The following IL1RAPL2 variants were observed in gnomAD, a reference collection of about 807,000 sequenced individuals.
IL1RAPL2 encodes the protein X-linked interleukin-1 receptor accessory protein-like 2.
IL1RAPL2 carries 3 observed loss-of-function variants against 44.1 expected under a neutral mutation model. The observed-to-expected ratio is 0.07, with a 90% CI of 0.03 to 0.18. The LOEUF is 0.18. Ranked by LOEUF, IL1RAPL2 falls within the 10% of genes least tolerant of loss-of-function variation. The probability of loss-of-function intolerance (pLI) is 1.00; values close to 1 mark genes in which losing one functional copy is unlikely to be tolerated. For synonymous variants in IL1RAPL2, 181 were observed against 178.8 expected, an observed-to-expected ratio of 1.01 and a Z score of -0.10; for missense variants, 391 against 496.4, an observed-to-expected ratio of 0.79 and a Z score of 2.02.
chrX:105,019,539 G>T (rs1225683171), intron 2 of IL1RAPL2, among the ~76,000 whole-genome samples: 2 of 111,547 alleles, frequency 1.8e-5, no homozygotes, highest in Non-Finnish European at 3.8e-5. Context: ...TAGATACTCT[G>T]TTCTTGAAAC....
intron 6 of IL1RAPL2, among the ~76,000 whole-genome samples, chrX:105,531,796 C>T (rs755336074): frequency 3.6e-5 from 4 of 111,629 alleles, no homozygotes; most frequent in Admixed American, 9.5e-5. Flanking sequence ...TTTCCCAGCA[C>T]GATTTATTGA....
chrX:105,080,699 G>A (rs551415664), intron 2 of IL1RAPL2, among the ~76,000 whole-genome samples: 38 of 111,730 alleles, frequency 3.4e-4, no homozygotes, highest in Middle Eastern at 4.6e-3. Context: ...TTGGCTATGC[G>A]GGCTCTTTTT....
intron 2 of IL1RAPL2, among the ~76,000 whole-genome samples, chrX:104,932,358 C>A (rs1924927951): frequency 9.0e-6 from 1 of 110,662 alleles, no homozygotes; most frequent in South Asian, 3.9e-4. Context: ...GGGTCAGAAA[C>A]CTATGCTGTA....
chrX:105,547,075 C>T (rs1349366275), intron 6 of IL1RAPL2, among the ~76,000 whole-genome samples: 5 of 112,113 alleles, frequency 4.5e-5, no homozygotes, highest in Non-Finnish European at 9.4e-5. Flanking sequence ...TGAATTATAC[C>T]TCCTGCAGTC....
intron 1 of IL1RAPL2, among the ~76,000 whole-genome samples, chrX:104,628,249 A>G (rs751941438): frequency 1.8e-5 from 2 of 111,011 alleles, no homozygotes; most frequent in Admixed American, 9.7e-5. Context: ...GTTGTTAATT[A>G]TAGTCACCCT....
chrX:105,144,068 C>T (rs776965689), intron 2 of IL1RAPL2, among the ~76,000 whole-genome samples: 1 of 106,670 alleles, frequency 9.4e-6, no homozygotes, highest in African/African-American at 3.4e-5. Context: ...CCATAGATTA[C>T]AGTCAGAGTC....
intron 2 of IL1RAPL2, among the ~76,000 whole-genome samples, chrX:105,108,657 T>C (rs1004573196): frequency 2.7e-4 from 30 of 109,760 alleles, no homozygotes; most frequent in African/African-American, 9.3e-4. Flanking sequence ...TGTCATTTTT[T>C]GCACCAAAAT....
At chrX:105,066,179 A>G (rs776455802) in intron 2 of IL1RAPL2, among the ~76,000 whole-genome samples, 3 of 110,915 alleles carry the variant, frequency 2.7e-5, no homozygotes, top group East Asian at 2.9e-4. Context: ...CCAGAATTCA[A>G]TCTCTTCCTT....
intron 2 of IL1RAPL2, among the ~76,000 whole-genome samples, chrX:105,046,736 C>T (rs955216166): frequency 6.4e-5 from 7 of 109,672 alleles, no homozygotes; most frequent in African/African-American, 2.3e-4. Context: ...TTCTTGTATT[C>T]TTACTAATTG....
intron 5 of IL1RAPL2, among the ~76,000 whole-genome samples, chrX:105,478,337 C>A (rs1195326336): frequency 9.0e-6 from 1 of 110,723 alleles, no homozygotes; most frequent in Non-Finnish European, 1.9e-5. Flanking sequence ...TCACCTACAA[C>A]AAAGAATTTG....
intron 6 of IL1RAPL2, among the ~76,000 whole-genome samples, chrX:105,595,909 G>C (rs145714066): frequency 0.019 from 2,128 of 111,080 alleles, 42 homozygotes; most frequent in African/African-American, 0.067. Context: ...TATGTTTCTA[G>C]GAATTTATCC....
chrX:105,385,165 T>C (rs777197449), intron 5 of IL1RAPL2, among the ~76,000 whole-genome samples: 3 of 111,691 alleles, frequency 2.7e-5, no homozygotes, highest in Non-Finnish European at 5.7e-5. Flanking sequence ...GGTAAAAGTC[T>C]GCATCCTTAT....
intron 10 of IL1RAPL2, among the ~76,000 whole-genome samples, chrX:105,764,533 T>C (rs1049834712): frequency 8.9e-6 from 1 of 112,186 alleles, no homozygotes; most frequent in African/African-American, 3.2e-5. Context: ...AGCTTTAGTT[T>C]CTAAAAGCAT....
intron 2 of IL1RAPL2, among the ~76,000 whole-genome samples, chrX:104,923,399 CA>C (rs1207297868): frequency 9.0e-6 from 1 of 111,622 alleles, no homozygotes; most frequent in African/African-American, 3.3e-5. Flanking sequence ...ATCTTAAAAG[CA>C]GCTAAAGAGA....
chrX:105,719,979 T>A (rs1473955327), intron 7 of IL1RAPL2, among the ~76,000 whole-genome samples: 2 of 111,705 alleles, frequency 1.8e-5, no homozygotes, highest in African/African-American at 6.5e-5. Context: ...TGTCAACGTA[T>A]CTGTGTATAA....
At chrX:105,171,803 C>A (rs2033426123) in intron 2 of IL1RAPL2, among the ~76,000 whole-genome samples, 1 of 111,359 alleles carries the variant, frequency 9.0e-6, no homozygotes, top group Non-Finnish European at 1.9e-5. Flanking sequence ...GGCCCGCTTA[C>A]CTGCTTATGT....
chrX:105,094,875 T>G (rs1272088274), intron 2 of IL1RAPL2, among the ~76,000 whole-genome samples: 1 of 111,706 alleles, frequency 9.0e-6, no homozygotes, highest in African/African-American at 3.3e-5. Flanking sequence ...TTTACAGTAC[T>G]TAGTGTGCAG....
At chrX:105,169,758 G>A (rs766621672) in intron 2 of IL1RAPL2, among the ~76,000 whole-genome samples, 3 of 108,653 alleles carry the variant, frequency 2.8e-5, no homozygotes, top group African/African-American at 6.7e-5. Flanking sequence ...TTGAACTTGC[G>A]ACCTCAGATG....
At position 104,667,424 on chromosome X, in the gene IL1RAPL2, A is replaced by G; in HGVS notation, c.82+8429A>G. On this transcript the variant is annotated intron_variant, in intron 2 of 10. Coordinates refer to ENST00000372582, the MANE Select transcript of IL1RAPL2 (RefSeq NM_017416.2). ...AGTAAATCATAGGGGGAAGGGAGAA[A>G]CTAACATGCATCGAGTGCTCCTATA... Among the ~76,000 whole-genome samples the G allele has an allele frequency of 1.8e-5, 2 of 111,389 alleles. 1 individual carries two copies. The highest frequency in any genetic ancestry group is 3.8e-5 in the Non-Finnish European group (2 of 52,975).
Sources: gnomAD v4.1 joint callset for allele counts (sites outside exome capture counted in the v4.1 genomes callset) on GRCh38, gnomAD v4.1.1 for gene constraint, MANE v1.5 for transcripts, NCBI Gene and HGNC (gene_info 2026-07-23, HGNC 2026-07-21) for gene names.